The following C2CD3 variants were observed in gnomAD, a reference collection of about 807,000 sequenced individuals.
C2CD3 encodes C2 domain-containing protein 3.
In C2CD3, 148 loss-of-function variants were observed where a neutral mutation model predicts 234.0. That is an observed-to-expected ratio of 0.63 (90% CI 0.55 to 0.72). C2CD3 has a LOEUF of 0.72. Ranked by LOEUF, C2CD3 falls within the 30% of genes least tolerant of loss-of-function variation. The probability of loss-of-function intolerance (pLI) is 0.00; values close to 1 mark genes in which losing one functional copy is unlikely to be tolerated. For missense variants in C2CD3, 2,577 were observed against 2,811.5 expected (o/e 0.92, Z 1.89); for synonymous variants, 1,000 against 1,035.4 (o/e 0.97, Z 0.66).
intron 20 of C2CD3, among the ~76,000 whole-genome samples, chr11:74,090,203 C>T (rs1331470083): frequency 6.6e-6 from 1 of 152,072 alleles, no homozygotes; most frequent in Non-Finnish European, 1.5e-5. Context: ...GTCTCATAGC[C>T]ATTTTAAGGG....
At chr11:74,122,332 A>G (rs1194671815) in intron 8 of C2CD3, among the ~76,000 whole-genome samples, 1 of 152,198 alleles carries the variant, frequency 6.6e-6, no homozygotes, top group African/African-American at 2.4e-5. Flanking sequence ...AAACTGTGGT[A>G]GCCCTCACTG....
intron 26 of C2CD3, among the ~76,000 whole-genome samples, chr11:74,049,791 T>C (rs1381928757): frequency 6.6e-6 from 1 of 152,078 alleles, no homozygotes; most frequent in Non-Finnish European, 1.5e-5. Flanking sequence ...CTCTCTCTCA[T>C]TTTGAAAGAG....
At position 74,013,218 on chromosome 11, in the gene C2CD3, C is replaced by T. The variant is rs1291225690; in HGVS notation, c.*167G>A. ...GACACTGGACTGGTTTGGGGCACTC[C>T]TCCAGTCTGGGCTGACCGGGTCTCT... On this transcript the variant is annotated 3_prime_UTR_variant, in exon 33 of 33. Transcript: ENST00000334126. 2.8e-5 allele frequency: 11 copies of T among 389,342 alleles called. No individual in the cohort carries two copies. The East Asian group carries it at 4.1e-4, about 14-fold the overall frequency. 24.1% of individuals were successfully genotyped at this position (389,342 alleles called of 1,614,324 possible).
chr11:74,046,090 TAAAATA>T, intron 28 of C2CD3, among the ~76,000 whole-genome samples: 1 of 152,316 alleles, frequency 6.6e-6, no homozygotes, highest in Non-Finnish European at 1.5e-5. Context: ...GTAACTGACA[TAAAATA>T]AACTTTACAT....
In C2CD3 at chr11:74,054,145, G is replaced by A. The variant is rs550701918; in HGVS notation, c.5155+462C>T. Reference sequence around the variant, plus strand: ...AAATTAGCCGGGCGTGGTGGCAGGCGCCTGTAGTCCCAGCTCCTTGGGGGG... The same window carrying A: ...AAATTAGCCGGGCGTGGTGGCAGGCACCTGTAGTCCCAGCTCCTTGGGGGG... On this transcript the variant is annotated intron_variant, in intron 26 of 32. Transcript: ENST00000334126. Among the ~76,000 whole-genome samples, 348 of 152,038 alleles carry A rather than the reference G, an allele frequency of 2.3e-3. 3 individuals are homozygous for A. The highest frequency in any genetic ancestry group is 8.0e-3 in the African/African-American group (331 of 41,480).
intron 25 of C2CD3, among the ~76,000 whole-genome samples, chr11:74,055,078 A>G (rs1287439362): frequency 2.0e-5 from 3 of 152,236 alleles, no homozygotes; most frequent in Non-Finnish European, 4.4e-5. Context: ...CTGAGTGCCT[A>G]CCTTGGGCCA....
chr11:74,054,725 T>C, intron 25 of C2CD3, 54 bp from the exon 26 acceptor site: 5 of 1,224,226 alleles, frequency 4.1e-6, no homozygotes, highest in Non-Finnish European at 5.9e-6. Context: ...TTCTGTAGTA[T>C]AAAACTTAGA....
At chr11:74,059,410 CAAAAAA>C (rs57052333) in intron 24 of C2CD3, among the ~76,000 whole-genome samples, 2 of 29,958 alleles carry the variant, frequency 6.7e-5, no homozygotes, top group Admixed American at 3.2e-4. Flanking sequence ...GACTCTGTCT[CAAAAAA>C]AAAAAAAAAA....
At chr11:74,167,456 A>G (rs1214011925) in intron 2 of C2CD3, among the ~76,000 whole-genome samples, 2 of 152,210 alleles carry the variant, frequency 1.3e-5, no homozygotes, top group Non-Finnish European at 2.9e-5. Flanking sequence ...CATGGTGCCT[A>G]AAACAATGTG....
chr11:74,051,749 G>A (rs550012271), intron 26 of C2CD3, among the ~76,000 whole-genome samples: 1 of 152,252 alleles, frequency 6.6e-6, no homozygotes, highest in South Asian at 2.1e-4. Flanking sequence ...CCCTGTATTT[G>A]TCTAATCATA....
chr11:74,152,053 C>G (rs1402774229), intron 3 of C2CD3, among the ~76,000 whole-genome samples: 1 of 152,076 alleles, frequency 6.6e-6, no homozygotes, highest in Non-Finnish European at 1.5e-5. Flanking sequence ...AAACCAAACT[C>G]AAGTCACTGG....
intron 25 of C2CD3, among the ~76,000 whole-genome samples, chr11:74,055,288 G>A (rs1953902874): frequency 6.6e-6 from 1 of 152,154 alleles, no homozygotes; most frequent in South Asian, 2.1e-4. Context: ...CCATGCAGAG[G>A]CAAGGCAACA....
chr11:74,133,373 T>A, intron 6 of C2CD3, 52 bp downstream of exon 6: 2 of 1,545,022 alleles, frequency 1.3e-6, no homozygotes, highest in Non-Finnish European at 1.8e-6. Flanking sequence ...AAACACAGGT[T>A]AACAACTATT....
intron 20 of C2CD3, among the ~76,000 whole-genome samples, chr11:74,088,916 A>G (rs930457041): frequency 6.6e-6 from 1 of 152,222 alleles, no homozygotes; most frequent in African/African-American, 2.4e-5. Flanking sequence ...ATATGGACCA[A>G]TGATCCCTAA....
intron 7 of C2CD3, 40 bp downstream of exon 7, chr11:74,132,804 G>A: frequency 6.3e-7 from 1 of 1,595,326 alleles, no homozygotes; most frequent in Non-Finnish European, 8.6e-7. Flanking sequence ...TGAATTGGAG[G>A]AAGAGTTTAA....
At chr11:74,110,218 T>C (rs1411192764) in intron 11 of C2CD3, among the ~76,000 whole-genome samples, 3 of 148,428 alleles carry the variant, frequency 2.0e-5, no homozygotes, top group Non-Finnish European at 4.5e-5. Context: ...ACCTATAAAA[T>C]GATCTTCCTG....
At chr11:74,158,838 A>G (rs949189926) in intron 3 of C2CD3, among the ~76,000 whole-genome samples, 29 of 152,354 alleles carry the variant, frequency 1.9e-4, no homozygotes, top group African/African-American at 6.7e-4. Context: ...TATTATCAAA[A>G]AAGACAAAAA....
chr11:74,170,678 A>T, intron 1 of C2CD3, 60 bp downstream of exon 1: 1 of 1,601,870 alleles, frequency 6.2e-7, no homozygotes, highest in East Asian at 2.2e-5. Context: ...GGTCTCCCTA[A>T]AATTCCTTAC....
intron 20 of C2CD3, among the ~76,000 whole-genome samples, chr11:74,089,365 C>T (rs1423195133): frequency 6.6e-6 from 1 of 152,106 alleles, no homozygotes; most frequent in Non-Finnish European, 1.5e-5. Context: ...AACATAAAAA[C>T]AAAACCCAAA....
Sources: gnomAD v4.1 joint callset for allele counts (sites outside exome capture counted in the v4.1 genomes callset) on GRCh38, gnomAD v4.1.1 for gene constraint, MANE v1.5 for transcripts, NCBI Gene and HGNC (gene_info 2026-07-23, HGNC 2026-07-21) for gene names.